The following ARHGAP8 variants were observed in gnomAD, a reference collection of about 807,000 sequenced individuals.
The protein encoded by ARHGAP8 is Rho GTPase activating protein 8.
In ARHGAP8, 62 loss-of-function variants were observed where a neutral mutation model predicts 46.1. The observed-to-expected ratio is 1.34, with a 90% CI of 1.10 to 1.66. The LOEUF is 1.66. Ranked by LOEUF, ARHGAP8 falls within the 40% of genes most tolerant of loss-of-function variation. The probability of loss-of-function intolerance (pLI) is 0.00; values close to 1 mark genes in which losing one functional copy is unlikely to be tolerated. For missense variants in ARHGAP8, 923 were observed against 568.4 expected (o/e 1.62, Z -6.34); for synonymous variants, 375 against 243.1 (o/e 1.54, Z -5.05).
rs1929226868 is a variant in ARHGAP8, at chr22:44,810,084, GCCC to G, written c.299+1648_299+1650del. Among the ~76,000 whole-genome samples the G allele has an allele frequency of 3.3e-5, 5 of 152,200 alleles. No homozygotes were observed. The South Asian group carries it at 1.0e-3, about 32-fold the overall frequency. On this transcript the variant is annotated intron_variant, in intron 4 of 11. Coordinates refer to ENST00000356099, the MANE Select transcript of ARHGAP8 (RefSeq NM_181335.3). ...CTGGGTTGTCCTGGGAGAATCAATA[GCCC>G]CTTCCCTGCAGCCTCACTGTGCCTA...
intron 1 of ARHGAP8, among the ~76,000 whole-genome samples, chr22:44,753,470 C>T (rs570529278): frequency 2.8e-4 from 42 of 152,196 alleles, no homozygotes; most frequent in African/African-American, 1.0e-3. Context: ...ATCCGTCTTC[C>T]TGGGCCTCCC....
chr22:44,757,000 C>G (rs1006539531), intron 1 of ARHGAP8, among the ~76,000 whole-genome samples: 3 of 152,134 alleles, frequency 2.0e-5, no homozygotes, highest in African/African-American at 7.2e-5. Flanking sequence ...ACTGCGGCCT[C>G]GAACTCCTGG....
chr22:44,801,481 G>A lies in ARHGAP8; in HGVS notation c.80-596G>A, dbSNP rs554392675. Among the ~76,000 whole-genome samples, 12 of 57,762 alleles carry A rather than the reference G, an allele frequency of 2.1e-4. No individual in the cohort carries two copies. In the East Asian group the frequency reaches 3.4e-3, roughly 17 times the overall value. The allele number at this position is 57,762 out of a possible 152,430, so 37.9% of individuals were successfully genotyped here. A position where few individuals can be genotyped will look rare whatever the true frequency, so the allele number is the denominator to read the frequency against. ...TCCGTGTGTGGGGGCACCTCTCCCC[G>A]CAGCTGTCTATGTGTGGGGGCACCT... is the stretch of plus-strand genomic sequence containing the variant. On this transcript the variant is annotated intron_variant, in intron 2 of 11. Coordinates refer to ENST00000356099, the MANE Select transcript of ARHGAP8 (RefSeq NM_181335.3).
At chr22:44,766,402 A>G (rs1925567178) in intron 1 of ARHGAP8, among the ~76,000 whole-genome samples, 1 of 149,230 alleles carries the variant, frequency 6.7e-6, no homozygotes, top group Admixed American at 6.7e-5. Context: ...GTGTGTGGGC[A>G]CGTGTGTGTG....
intron 1 of ARHGAP8, among the ~76,000 whole-genome samples, chr22:44,772,657 G>C (rs1171852895): frequency 6.6e-6 from 1 of 151,802 alleles, no homozygotes; most frequent in Non-Finnish European, 1.5e-5. Context: ...ATTGTCTTTG[G>C]TTTTGGCATA....
intron 7 of ARHGAP8, among the ~76,000 whole-genome samples, chr22:44,839,779 C>A (rs1931532656): frequency 1.3e-5 from 2 of 152,338 alleles, no homozygotes; most frequent in South Asian, 4.1e-4. Context: ...TCTTCCGTTA[C>A]CTGTTACCAC....
chr22:44,830,181 G>A (rs1176870513), intron 7 of ARHGAP8, among the ~76,000 whole-genome samples: 1 of 151,748 alleles, frequency 6.6e-6, no homozygotes, highest in Non-Finnish European at 1.5e-5. Flanking sequence ...ACGCTACCAA[G>A]TCCAGCTAAG....
chr22:44,806,028 C>T (rs1928898186), intron 3 of ARHGAP8, among the ~76,000 whole-genome samples: 1 of 152,182 alleles, frequency 6.6e-6, no homozygotes. Flanking sequence ...AGGGTGCCTG[C>T]TTTTACAAGG....
intron 7 of ARHGAP8, among the ~76,000 whole-genome samples, chr22:44,833,887 G>A (rs975922218): frequency 1.3e-5 from 2 of 152,086 alleles, no homozygotes; most frequent in African/African-American, 4.8e-5. Flanking sequence ...TTGATTGTTT[G>A]TGTCTTTCCA....
intron 1 of ARHGAP8, among the ~76,000 whole-genome samples, chr22:44,757,201 C>T (rs1383883139): frequency 1.3e-5 from 2 of 152,136 alleles, no homozygotes; most frequent in African/African-American, 4.8e-5. Context: ...CAGGTGTGAG[C>T]CACTGTGCCC....
At chr22:44,762,713 T>G (rs1341980762) in intron 1 of ARHGAP8, among the ~76,000 whole-genome samples, 1 of 151,890 alleles carries the variant, frequency 6.6e-6, no homozygotes, top group African/African-American at 2.4e-5. Flanking sequence ...CTGGCTAATT[T>G]TTGTATTTTT....
intron 1 of ARHGAP8, among the ~76,000 whole-genome samples, chr22:44,761,727 C>T (rs1156632635): frequency 2.0e-5 from 3 of 152,094 alleles, no homozygotes; most frequent in Non-Finnish European, 4.4e-5. Flanking sequence ...AATTTTTACG[C>T]TGCTGATAAA....
chr22:44,815,150 C>G (rs73422239), intron 5 of ARHGAP8, among the ~76,000 whole-genome samples: 6,395 of 152,248 alleles, frequency 0.042, 159 homozygotes, highest in South Asian at 0.076. Context: ...AAAAGGCACA[C>G]AAGGCTGAGT....
At chr22:44,849,873 C>G (rs1247919501) in intron 10 of ARHGAP8, 1 of 152,178 alleles carries the variant, frequency 6.6e-6, no homozygotes, top group African/African-American at 2.4e-5. Context: ...TGGCCTTTGT[C>G]CTGGCCCCTG....
At chr22:44,781,116 A>G (rs1204680713) in intron 1 of ARHGAP8, among the ~76,000 whole-genome samples, 1 of 152,168 alleles carries the variant, frequency 6.6e-6, no homozygotes, top group Non-Finnish European at 1.5e-5. Context: ...CTGGGTTTGA[A>G]ATAACCAGAG....
intron 11 of ARHGAP8, 108 bp downstream of exon 11, chr22:44,859,942 G>C: frequency 2.3e-6 from 3 of 1,320,908 alleles, no homozygotes; most frequent in East Asian, 2.4e-5. Context: ...GTCATGCCCT[G>C]CTTGGGCCTC....
intron 3 of ARHGAP8, among the ~76,000 whole-genome samples, chr22:44,806,418 G>T (rs2147088383): frequency 6.6e-6 from 1 of 152,320 alleles, no homozygotes; most frequent in African/African-American, 2.4e-5. Context: ...ATGGGAGCAG[G>T]CGTGGATGGC....
chr22:44,789,261 C>CT (rs772035934), intron 2 of ARHGAP8, among the ~76,000 whole-genome samples: 1,587 of 152,224 alleles, frequency 0.01, 16 homozygotes, highest in Middle Eastern at 0.02. Context: ...AGTGATTCTC[C>CT]TGTCTCAGCC....
intron 7 of ARHGAP8, among the ~76,000 whole-genome samples, chr22:44,827,197 G>A (rs1930582648): frequency 6.6e-6 from 1 of 151,974 alleles, no homozygotes. Flanking sequence ...AGAAGCCAAG[G>A]CACTCAGGCA....
Sources: allele counts gnomAD v4.1 joint callset (sites outside exome capture counted in the v4.1 genomes callset), GRCh38; gene constraint gnomAD v4.1.1; transcripts MANE v1.5; gene names NCBI Gene and HGNC (gene_info 2026-07-23, HGNC 2026-07-21).